The following ESRRG variants were observed in gnomAD, a reference collection of about 807,000 sequenced individuals.
ESRRG encodes estrogen related receptor gamma.
A neutral mutation model predicts 44.0 loss-of-function variants in ESRRG; 13 were observed. The observed-to-expected ratio is 0.30, with a 90% confidence interval of 0.19 to 0.47. ESRRG has a LOEUF of 0.47. Ranked by LOEUF, ESRRG falls within the 20% of genes least tolerant of loss-of-function variation. The pLI, the probability that ESRRG is intolerant of heterozygous loss-of-function variation, is 1.00. For missense variants in ESRRG, 395 were observed against 580.6 expected (o/e 0.68, Z 3.29); for synonymous variants, 215 against 214.6 (o/e 1.00, Z -0.02).
At chr1:216,583,783 C>A (rs1042571329) in intron 3 of ESRRG, among the ~76,000 whole-genome samples, 1 of 152,148 alleles carries the variant, frequency 6.6e-6, no homozygotes, top group African/African-American at 2.4e-5. Flanking sequence ...AAAAGCCTGA[C>A]AATCATGGTG....
chr1:216,677,632 A>G (rs1267754410), intron 1 of ESRRG, 141 bp from the exon 2 acceptor site: 6 of 727,780 alleles, frequency 8.2e-6, no homozygotes, highest in African/African-American at 5.3e-5. Context: ...AACAGAATTC[A>G]TATGTTAAAG....
chr1:216,983,824 T>G (rs771303969), intron 1 of ESRRG, among the ~76,000 whole-genome samples: 1 of 151,900 alleles, frequency 6.6e-6, no homozygotes, highest in Non-Finnish European at 1.5e-5. Context: ...TTCTATAAGA[T>G]GATATAAACG....
chr1:216,544,693 T>C (rs2053936494), intron 5 of ESRRG, among the ~76,000 whole-genome samples: 1 of 152,038 alleles, frequency 6.6e-6, no homozygotes, highest in African/African-American at 2.4e-5. Flanking sequence ...GGGGACTCTA[T>C]TACAAATATA....
intron 1 of ESRRG, among the ~76,000 whole-genome samples, chr1:216,967,707 A>C (rs746100544): frequency 6.6e-6 from 1 of 152,210 alleles, no homozygotes; most frequent in Non-Finnish European, 1.5e-5. Context: ...ATATGTGTGC[A>C]TATTTTTGTG....
intron 1 of ESRRG, among the ~76,000 whole-genome samples, chr1:216,941,192 C>T (rs1227293177): frequency 6.6e-6 from 1 of 152,080 alleles, no homozygotes; most frequent in African/African-American, 2.4e-5. Flanking sequence ...TATAAAGAAA[C>T]ACTAGGAGAG....
At chr1:216,512,404 T>C (rs1341999101) in intron 6 of ESRRG, among the ~76,000 whole-genome samples, 3 of 152,096 alleles carry the variant, frequency 2.0e-5, no homozygotes. Context: ...TAATAAATTG[T>C]AGGAAAAATA....
chr1:217,048,792 C>A (rs1464686407), intron 1 of ESRRG, among the ~76,000 whole-genome samples: 1 of 152,208 alleles, frequency 6.6e-6, no homozygotes, highest in Non-Finnish European at 1.5e-5. Context: ...ATTTTCTTTA[C>A]ATGTCTGAGC....
chr1:216,529,356 A>T (rs1228300356), intron 5 of ESRRG, among the ~76,000 whole-genome samples: 1 of 152,178 alleles, frequency 6.6e-6, no homozygotes, highest in East Asian at 1.9e-4. Flanking sequence ...TGAGAAAATT[A>T]TTCTGTTAAA....
chr1:216,956,237 A>G (rs1372267692), intron 1 of ESRRG, among the ~76,000 whole-genome samples: 1 of 152,056 alleles, frequency 6.6e-6, no homozygotes, highest in Non-Finnish European at 1.5e-5. Flanking sequence ...GGATAGGGAT[A>G]CAGTTTCAAT....
At chr1:216,738,961 C>T (rs751165237) in intron 2 of ESRRG, among the ~76,000 whole-genome samples, 1 of 152,132 alleles carries the variant, frequency 6.6e-6, no homozygotes, top group African/African-American at 2.4e-5. Flanking sequence ...AAGTGATCTA[C>T]CACCTTAGCC....
chr1:216,913,256 C>T (rs2060716900), intron 2 of ESRRG, among the ~76,000 whole-genome samples: 1 of 151,716 alleles, frequency 6.6e-6, no homozygotes, highest in African/African-American at 2.4e-5. Flanking sequence ...CAACTACTTA[C>T]ATAGTTTTAC....
chr1:216,983,778 T>C (rs1227337038), intron 1 of ESRRG, among the ~76,000 whole-genome samples: 1 of 150,694 alleles, frequency 6.6e-6, no homozygotes, highest in Non-Finnish European at 1.5e-5. Flanking sequence ...CAGTGTTTTT[T>C]GCAACGCATA....
chr1:216,731,484 T>C (rs2088762513), intron 2 of ESRRG, among the ~76,000 whole-genome samples: 1 of 152,216 alleles, frequency 6.6e-6, no homozygotes, highest in Non-Finnish European at 1.5e-5. Context: ...GCTTGATGAT[T>C]TCATTGCAAG....
At chr1:216,973,935 G>C (rs1022410974) in intron 1 of ESRRG, among the ~76,000 whole-genome samples, 3 of 151,950 alleles carry the variant, frequency 2.0e-5, no homozygotes, top group African/African-American at 7.2e-5. Context: ...CGTATCCCTG[G>C]TTTTTAACAA....
At chr1:216,921,733 A>G (rs1448910165) in intron 2 of ESRRG, among the ~76,000 whole-genome samples, 1 of 152,166 alleles carries the variant, frequency 6.6e-6, no homozygotes, top group Non-Finnish European at 1.5e-5. Context: ...TTTAAAATAT[A>G]TTGCATTTAT....
At chr1:216,739,568 C>T (rs2090405223) in intron 2 of ESRRG, among the ~76,000 whole-genome samples, 1 of 152,104 alleles carries the variant, frequency 6.6e-6, no homozygotes, top group Admixed American at 6.5e-5. Context: ...TATCCAGGAA[C>T]TGTTAGTGTA....
intron 2 of ESRRG, among the ~76,000 whole-genome samples, chr1:216,759,857 G>A (rs1225899834): frequency 3.3e-5 from 5 of 152,104 alleles, no homozygotes; most frequent in African/African-American, 7.2e-5. Flanking sequence ...GGGATGAGGG[G>A]ACAAGCACTT....
At chr1:216,543,200 A>G (rs1467103848) in intron 5 of ESRRG, among the ~76,000 whole-genome samples, 2 of 152,072 alleles carry the variant, frequency 1.3e-5, no homozygotes, top group Non-Finnish European at 2.9e-5. Flanking sequence ...GCAGCACTGT[A>G]CTATCCATCC....
intron 1 of ESRRG, among the ~76,000 whole-genome samples, chr1:217,043,750 T>C (rs1461961055): frequency 1.3e-5 from 2 of 152,148 alleles, no homozygotes; most frequent in African/African-American, 4.8e-5. Context: ...TTTATATAGA[T>C]TGTGCCCATA....
Sources: allele counts gnomAD v4.1 joint callset (sites outside exome capture counted in the v4.1 genomes callset), GRCh38; gene constraint gnomAD v4.1.1; transcripts MANE v1.5; gene names NCBI Gene and HGNC (gene_info 2026-07-23, HGNC 2026-07-21).